CELF2: variants seen among roughly 807,000 people sequenced by gnomAD.
The protein encoded by CELF2 is CUG triplet repeat RNA-binding protein 2.
In CELF2, 8 loss-of-function variants were observed where a neutral mutation model predicts 62.6. That is an observed-to-expected ratio of 0.13 (90% confidence interval 0.07 to 0.23). CELF2 has a LOEUF of 0.23. CELF2 is among the 10% of genes least tolerant of loss of function. The pLI, the probability that CELF2 is intolerant of heterozygous loss-of-function variation, is 1.00. For missense variants in CELF2, 333 were observed against 671.0 expected, an observed-to-expected ratio of 0.50 and a Z score of 5.56; for synonymous variants, 258 against 250.0, an observed-to-expected ratio of 1.03 and a Z score of -0.30.
chr10:10,694,788 A>G, the CELF2 span, among the ~76,000 whole-genome samples: 2 of 151,424 alleles, frequency 1.3e-5, no homozygotes, highest in African/African-American at 4.9e-5. Context: ...GTCTCTTTTG[A>G]TCTTTGTTGG....
At chr10:10,717,475 T>C in the CELF2 span, among the ~76,000 whole-genome samples, 2 of 152,164 alleles carry the variant, frequency 1.3e-5, no homozygotes, top group Non-Finnish European at 2.9e-5. Flanking sequence ...CTTTTATTCA[T>C]GAAAGAAAAT....
chr10:10,643,543 T>C, the CELF2 span, among the ~76,000 whole-genome samples: 2 of 152,172 alleles, frequency 1.3e-5, no homozygotes, highest in African/African-American at 4.8e-5. Context: ...GGTATGTCCT[T>C]ATAGCAATGT....
the CELF2 span, among the ~76,000 whole-genome samples, chr10:10,500,138 T>C: frequency 6.6e-6 from 1 of 152,212 alleles, no homozygotes; most frequent in Admixed American, 6.5e-5. Context: ...ATAATAATGA[T>C]GTGGCATTTT....
the CELF2 span, among the ~76,000 whole-genome samples, chr10:10,711,153 A>G: frequency 3.9e-5 from 6 of 152,198 alleles, no homozygotes; most frequent in East Asian, 1.2e-3. Context: ...CTCTGTCTCT[A>G]GACATTGCCA....
In CELF2 at chr10:11,161,001, G is replaced by T. The variant is rs187183048; in HGVS notation, c.75-4485G>T. ...TCACTGGGCCTTATAAAAGCTTGTTGTCCTAAAACTAGTAAAAATAATATG... is the reference window on the plus strand; with the variant it reads ...TCACTGGGCCTTATAAAAGCTTGTTTTCCTAAAACTAGTAAAAATAATATG... On this transcript the variant is annotated intron_variant, in intron 1 of 12. Coordinates refer to ENST00000633077, the MANE Select transcript of CELF2 (RefSeq NM_001326342.2). 1.4e-4 allele frequency among the ~76,000 whole-genome samples: 21 copies of T among 152,254 alleles called. No individual in the cohort carries two copies. In the East Asian group the frequency reaches 4.1e-3, roughly 29 times the overall value.
intron 1 of CELF2, among the ~76,000 whole-genome samples, chr10:11,025,883 AG>A (rs1752806105): frequency 6.6e-6 from 1 of 152,266 alleles, no homozygotes; most frequent in Admixed American, 6.5e-5. Flanking sequence ...ACTCTGATGA[AG>A]GGTGAAGACA....
chr10:11,174,394 G>A (rs1301627064), intron 2 of CELF2, among the ~76,000 whole-genome samples: 1 of 152,190 alleles, frequency 6.6e-6, no homozygotes, highest in Non-Finnish European at 1.5e-5. Context: ...AACACTGCAG[G>A]AATTGGTATT....
At chr10:11,210,751 T>C (rs1197431735) in intron 2 of CELF2, among the ~76,000 whole-genome samples, 2 of 152,136 alleles carry the variant, frequency 1.3e-5, no homozygotes, top group Non-Finnish European at 2.9e-5. Flanking sequence ...GCCTTTGGCG[T>C]TGTGACTCGT....
chr10:11,134,861 C>T (rs2060183798), intron 1 of CELF2, among the ~76,000 whole-genome samples: 1 of 152,186 alleles, frequency 6.6e-6, no homozygotes, highest in Non-Finnish European at 1.5e-5. Context: ...TAAGGAGGGG[C>T]ACGTGTCTAT....
intron 1 of CELF2, among the ~76,000 whole-genome samples, chr10:11,081,228 G>A (rs752385325): frequency 1.3e-5 from 2 of 152,158 alleles, no homozygotes; most frequent in Non-Finnish European, 2.9e-5. Context: ...AAAAATGTAA[G>A]ATTTTTTTTG....
chr10:10,903,785 A>G (rs772521248), intron 1 of CELF2, among the ~76,000 whole-genome samples: 16 of 152,172 alleles, frequency 1.1e-4, no homozygotes, highest in Admixed American at 6.5e-5. Flanking sequence ...CTTGGGGATG[A>G]TGCAGAGCCA....
chr10:11,240,448 A>C (rs4357602), intron 3 of CELF2, among the ~76,000 whole-genome samples: 1 of 152,196 alleles, frequency 6.6e-6, no homozygotes, highest in Admixed American at 6.5e-5. Flanking sequence ...CTCAGCGTCT[A>C]TGTAGAACAT....
chr10:10,497,184 C>T, the CELF2 span, among the ~76,000 whole-genome samples: 1 of 143,436 alleles, frequency 7.0e-6, no homozygotes, highest in Admixed American at 7.2e-5. Flanking sequence ...CTGAACAAGA[C>T]TCCATCTAAA....
chr10:10,633,482 C>T, the CELF2 span, among the ~76,000 whole-genome samples: 7 of 152,080 alleles, frequency 4.6e-5, no homozygotes, highest in South Asian at 8.3e-4. Flanking sequence ...TGCTCATGTG[C>T]CTATTGGATT....
the CELF2 span, among the ~76,000 whole-genome samples, chr10:10,715,187 C>T: frequency 5.3e-5 from 8 of 151,956 alleles, no homozygotes; most frequent in African/African-American, 1.5e-4. Flanking sequence ...AGCACAAAAC[C>T]GTGATATAAA....
rs1346001447 is a variant in CELF2 at position 11,214,323 on chromosome 10, C to T, written c.272-3102C>T. On this transcript the variant is annotated intron_variant, in intron 2 of 12. Coordinates refer to ENST00000633077, the MANE Select transcript of CELF2 (RefSeq NM_001326342.2). This position sits in a 1 kb window ranked among gnomAD's most constrained non-coding sequence, Gnocchi z 4.2. ...TTTAATGATGAAACTAACTAAGGTA[C>T]TGAGGAGGTAAGATATTTCCCCACG... 6.6e-6 allele frequency among the ~76,000 whole-genome samples: 1 copy of T among 152,170 alleles called. No homozygotes were observed. The highest frequency in any genetic ancestry group is 1.5e-5 in the Non-Finnish European group (1 of 68,028).
At chr10:10,876,168 G>A (rs2061076971) in intron 1 of CELF2, among the ~76,000 whole-genome samples, 1 of 152,106 alleles carries the variant, frequency 6.6e-6, no homozygotes, top group Non-Finnish European at 1.5e-5. Flanking sequence ...TTTGTGCAAA[G>A]GACCACATAA....
chr10:11,159,550 C>T lies in CELF2; in HGVS notation c.75-5936C>T, dbSNP rs2065237694. ...GTAGGGCCTGAGTTTCTGATGTGTT[C>T]TCCAGCATGCAGTGTGGGAAGGAGC... On this transcript the variant is annotated intron_variant, in intron 1 of 12. Transcript: ENST00000633077. This position sits in a 1 kb window ranked among gnomAD's most constrained non-coding sequence, Gnocchi z 5.0. 6.6e-6 allele frequency among the ~76,000 whole-genome samples: 1 copy of T among 152,194 alleles called. No homozygotes were observed. Among genetic ancestry groups the T allele is most frequent in the Non-Finnish European group, 1.5e-5 (1 of 68,030 alleles).
the CELF2 span, among the ~76,000 whole-genome samples, chr10:10,534,377 C>G: frequency 1.3e-5 from 2 of 151,896 alleles, no homozygotes; most frequent in Admixed American, 1.3e-4. Context: ...GTGGGGAGAC[C>G]GGAGTATGTT....
Sources: gnomAD v4.1 joint callset for allele counts (sites outside exome capture counted in the v4.1 genomes callset) on GRCh38, gnomAD v4.1.1 for gene constraint, Gnocchi (gnomAD v3.1) non-coding constraint, MANE v1.5 for transcripts, NCBI Gene and HGNC (gene_info 2026-07-23, HGNC 2026-07-21) for gene names.